ERC1: variants seen among roughly 807,000 people sequenced by gnomAD.
ERC1 encodes RAB6 interacting protein 2.
A neutral mutation model predicts 132.0 loss-of-function variants in ERC1; 56 were observed. The ratio of observed to expected loss-of-function variants is 0.42; its 90% CI spans 0.34 to 0.53. ERC1 has a LOEUF of 0.53. Among genes scored for constraint, ERC1 ranks in the 20% least tolerant of loss-of-function variants. The pLI, the probability that ERC1 is intolerant of heterozygous loss-of-function variation, is 0.03. For missense variants in ERC1, 1,202 were observed against 1,349.9 expected (o/e 0.89, Z 1.72); for synonymous variants, 478 against 476.1 (o/e 1.00, Z -0.05).
At chr12:1,185,456 A>T (rs1184900500) in intron 11 of ERC1, among the ~76,000 whole-genome samples, 3 of 148,292 alleles carry the variant, frequency 2.0e-5, no homozygotes, top group African/African-American at 5.0e-5. Context: ...TTAAACCGTT[A>T]ATTTTGTTTC....
At chr12:1,281,735 A>G (rs1408167398) in intron 14 of ERC1, among the ~76,000 whole-genome samples, 1 of 152,216 alleles carries the variant, frequency 6.6e-6, no homozygotes, top group Non-Finnish European at 1.5e-5. Flanking sequence ...GAAAAAATGA[A>G]ATAATATTCT....
At chr12:1,338,280 G>A (rs764437344) in intron 15 of ERC1, among the ~76,000 whole-genome samples, 7 of 151,914 alleles carry the variant, frequency 4.6e-5, no homozygotes, top group Non-Finnish European at 8.8e-5. Context: ...ATTTCAAAAC[G>A]TCAGTCTTCA....
intron 12 of ERC1, among the ~76,000 whole-genome samples, chr12:1,202,782 C>G (rs1957030764): frequency 6.6e-6 from 1 of 152,004 alleles, no homozygotes; most frequent in Non-Finnish European, 1.5e-5. Flanking sequence ...CATTTTTTCC[C>G]ATGGATTTAC....
chr12:1,180,254 TG>T (rs1379901770), intron 8 of ERC1, among the ~76,000 whole-genome samples: 38 of 46,052 alleles, frequency 8.3e-4, no homozygotes, highest in African/African-American at 4.7e-3. Flanking sequence ...TTGTTAGGGA[TG>T]TGTGTGTGTG....
rs74640157 is a variant in ERC1 at position 1,305,210 on chromosome 12, A to T, written c.2780+15198A>T. On this transcript the variant is annotated intron_variant, in intron 15 of 18. Coordinates refer to ENST00000360905, the MANE Select transcript of ERC1 (RefSeq NM_178040.4). ...GGTTCTCTCTCTGGGGACTTAGTAC[A>T]CTCACTCTTTCTGGACCAGTTTTTA... 9.7e-3 allele frequency among the ~76,000 whole-genome samples: 1,480 copies of T among 151,886 alleles called. 24 individuals are homozygous for T. Among genetic ancestry groups the T allele is most frequent in the African/African-American group, 0.033 (1,382 of 41,402 alleles).
rs562348249 is a variant in ERC1 at position 1,047,392 on chromosome 12, A to AC, written c.669+18826dup. 8.0e-5 allele frequency among the ~76,000 whole-genome samples: 12 copies of AC among 149,992 alleles called. No individual in the cohort carries two copies. In the South Asian group the frequency reaches 2.2e-3, roughly 27 times the overall value. On this transcript the variant is annotated intron_variant, in intron 2 of 18. Transcript: ENST00000360905. ...AATGTCTATATATATTCTACCCCCCACCCCCCAAAAAAAGCCATTGTATGC... is the reference window on the plus strand; with the variant it reads ...AATGTCTATATATATTCTACCCCCCACCCCCCCAAAAAAAGCCATTGTATGC...
intron 8 of ERC1, among the ~76,000 whole-genome samples, chr12:1,145,440 T>C (rs1950264080): frequency 6.6e-6 from 1 of 152,224 alleles, no homozygotes; most frequent in Non-Finnish European, 1.5e-5. Context: ...TGTTTTTTAC[T>C]TGATGATTTG....
chr12:1,286,061 A>G (rs571389415), intron 14 of ERC1, among the ~76,000 whole-genome samples: 2 of 152,306 alleles, frequency 1.3e-5, no homozygotes, highest in African/African-American at 4.8e-5. Flanking sequence ...TGGGAGGCCA[A>G]GGCAGGTGGA....
Position 1,010,082 on chromosome 12 carries a change from A to G in ERC1, c.-156-17666A>G, listed in dbSNP as rs1274476063. ...TTGAGTCTGTAATTCTACCTTAGTG[A>G]GTACACATATAAAGAATTACTATTT... is the stretch of plus-strand genomic sequence containing the variant. On this transcript the variant is annotated intron_variant, in intron 1 of 18. Coordinates refer to ENST00000360905, the MANE Select transcript of ERC1 (RefSeq NM_178040.4). 2.6e-5 allele frequency among the ~76,000 whole-genome samples: 4 copies of G among 152,328 alleles called. No homozygotes were observed. The East Asian group carries it at 7.7e-4, about 29-fold the overall frequency.
chr12:1,201,342 T>G (rs1264586389), intron 12 of ERC1, among the ~76,000 whole-genome samples: 1 of 152,192 alleles, frequency 6.6e-6, no homozygotes, highest in East Asian at 1.9e-4. Context: ...GAATTGATGT[T>G]AAGAATGCAT....
At chr12:1,044,810 C>T (rs887441527) in intron 2 of ERC1, among the ~76,000 whole-genome samples, 1 of 152,092 alleles carries the variant, frequency 6.6e-6, no homozygotes, top group African/African-American at 2.4e-5. Flanking sequence ...CTTAATATTC[C>T]TGTAGGAGTT....
intron 15 of ERC1, among the ~76,000 whole-genome samples, chr12:1,310,355 C>T (rs530515017): frequency 1.2e-4 from 19 of 152,004 alleles, no homozygotes; most frequent in South Asian, 8.3e-4. Context: ...TACAGGTGCG[C>T]GCCAACAGGC....
chr12:1,414,896 A>G (rs1019731711), intron 17 of ERC1, among the ~76,000 whole-genome samples: 2 of 152,176 alleles, frequency 1.3e-5, no homozygotes, highest in Non-Finnish European at 2.9e-5. Flanking sequence ...TGAATTCACA[A>G]AAATCCAGAA....
In ERC1 at chr12:1,440,361, C is replaced by T. The variant is rs185325688; in HGVS notation, c.3025-4201C>T. On this transcript the variant is annotated intron_variant, in intron 17 of 18. Transcript: ENST00000360905. ...CTGGGACTACAGACGCCCGCCACCA[C>T]GCCCGGCTAATTTTTTTTGTATTTT... Among the ~76,000 whole-genome samples the T allele has an allele frequency of 9.8e-3, 1,463 of 149,866 alleles. 35 individuals carry two copies. The highest frequency in any genetic ancestry group is 0.033 in the African/African-American group (1,327 of 40,420).
At chr12:1,258,188 G>C (rs1486911854) in intron 13 of ERC1, among the ~76,000 whole-genome samples, 1 of 152,162 alleles carries the variant, frequency 6.6e-6, no homozygotes, top group Non-Finnish European at 1.5e-5. Flanking sequence ...GTTCCAGTAA[G>C]TCAACTTCCT....
At chr12:1,312,891 A>G (rs1273550571) in intron 15 of ERC1, among the ~76,000 whole-genome samples, 1 of 152,120 alleles carries the variant, frequency 6.6e-6, no homozygotes, top group Non-Finnish European at 1.5e-5. Context: ...TTATCATGTT[A>G]TTCCTGGCAG....
chr12:1,161,346 G>T (rs1224671566), intron 8 of ERC1, among the ~76,000 whole-genome samples: 1 of 152,152 alleles, frequency 6.6e-6, no homozygotes, highest in Non-Finnish European at 1.5e-5. Context: ...CTGGAGAGTG[G>T]TGTCAATAAA....
chr12:1,428,408 T>G (rs953735906), intron 17 of ERC1, among the ~76,000 whole-genome samples: 2 of 152,128 alleles, frequency 1.3e-5, no homozygotes, highest in African/African-American at 4.8e-5. Context: ...CCCTGCACCC[T>G]AATAGGTTAT....
intron 17 of ERC1, chr12:1,430,755 A>G (rs1482380646): frequency 2.0e-5 from 3 of 152,436 alleles, no homozygotes; most frequent in East Asian, 3.9e-4. Context: ...AGTCAGCAGC[A>G]GGTGGATCGT....
Sources: gnomAD v4.1 joint callset for allele counts (sites outside exome capture counted in the v4.1 genomes callset) on GRCh38, gnomAD v4.1.1 for gene constraint, MANE v1.5 for transcripts, NCBI Gene and HGNC (gene_info 2026-07-23, HGNC 2026-07-21) for gene names.